The following PTPRZ1 variants were observed in gnomAD, a reference collection of about 807,000 sequenced individuals.
PTPRZ1 encodes receptor-type tyrosine-protein phosphatase zeta.
Under a neutral mutation model 214.1 loss-of-function variants are expected in PTPRZ1, and 82 were observed. The observed-to-expected ratio is 0.38, with a 90% CI of 0.32 to 0.46. PTPRZ1 has a LOEUF of 0.46. Among genes scored for constraint, PTPRZ1 ranks in the 20% least tolerant of loss-of-function variants. The probability of loss-of-function intolerance (pLI) is 1.00; values close to 1 mark genes in which losing one functional copy is unlikely to be tolerated. For missense variants in PTPRZ1, 2,603 were observed against 2,748.7 expected (o/e 0.95, Z 1.19); for synonymous variants, 945 against 987.9 (o/e 0.96, Z 0.81).
intron 1 of PTPRZ1, among the ~76,000 whole-genome samples, chr7:121,917,438 A>G (rs1284740331): frequency 6.6e-6 from 1 of 152,202 alleles, no homozygotes; most frequent in Non-Finnish European, 1.5e-5. Flanking sequence ...ATCAGATAGC[A>G]TCAGAAAACA....
chr7:121,907,727 C>A, intron 1 of PTPRZ1, among the ~76,000 whole-genome samples: 1 of 151,048 alleles, frequency 6.6e-6, no homozygotes, highest in East Asian at 1.9e-4. Context: ...TCTACATTAG[C>A]TTTTCCATGT....
At chr7:121,933,593 C>T (rs945405040) in intron 2 of PTPRZ1, among the ~76,000 whole-genome samples, 24 of 151,968 alleles carry the variant, frequency 1.6e-4, no homozygotes, top group Non-Finnish European at 3.2e-4. Flanking sequence ...CTTTAAATAT[C>T]GAATTGATTC....
At chr7:122,014,567 T>G (rs1798789893) in intron 12 of PTPRZ1, among the ~76,000 whole-genome samples, 1 of 152,028 alleles carries the variant, frequency 6.6e-6, no homozygotes, top group Non-Finnish European at 1.5e-5. Context: ...GCCTCCCGAG[T>G]AGCTGAGACT....
In PTPRZ1 at chr7:121,967,939, T is replaced by G; in HGVS notation, c.125-12T>G. The G allele has an allele frequency of 6.5e-7, 1 of 1,528,206 alleles. No homozygotes were observed. The highest frequency in any genetic ancestry group is 1.2e-5 in the South Asian group (1 of 82,132). The allele number at this position is 1,528,206 out of a possible 1,614,324, so 94.7% of individuals were successfully genotyped here. ...TTAAGAAACTAAATTTCTTACTCCT[T>G]CTTTTCCCTAGGAGCACTGAATCAA... On this transcript the variant is annotated splice_polypyrimidine_tract_variant and intron_variant, in intron 2 of 29. Transcript: ENST00000393386.
intron 1 of PTPRZ1, among the ~76,000 whole-genome samples, chr7:121,890,101 C>A (rs948312470): frequency 6.6e-6 from 1 of 152,152 alleles, no homozygotes; most frequent in African/African-American, 2.4e-5. Context: ...TCCCTGTATT[C>A]TCTACATTGA....
chr7:121,961,134 C>T lies in PTPRZ1; in HGVS notation c.125-6817C>T, dbSNP rs146694433. On this transcript the variant is annotated intron_variant, in intron 2 of 29. Transcript: ENST00000393386. ...GAGATGTCTATGAAAATGGTCATTA[C>T]GCAGCCTCTCCCTTCCTGCCTATCC... Among the ~76,000 whole-genome samples, 258 of 152,252 alleles carry T rather than the reference C, an allele frequency of 1.7e-3. 1 individual carries two copies. The highest frequency in any genetic ancestry group is 5.1e-3 in the African/African-American group (212 of 41,538).
At chr7:121,892,679 C>CATAT (rs58030102) in intron 1 of PTPRZ1, among the ~76,000 whole-genome samples, 2,746 of 97,276 alleles carry the variant, frequency 0.028, 157 homozygotes, top group Non-Finnish European at 0.038. Flanking sequence ...TCAAGCATCT[C>CATAT]ATATATATAT....
Position 121,998,083 on chromosome 7 carries a change from C to A in PTPRZ1, c.1240+77C>A, listed in dbSNP as rs1798201880. 4 of 1,461,954 alleles carry A rather than the reference C, an allele frequency of 2.7e-6. No homozygotes were observed. In the East Asian group the frequency reaches 9.8e-5, roughly 36 times the overall value. The allele number at this position is 1,461,954 out of a possible 1,614,324, so 90.6% of individuals were successfully genotyped here. ...TAATTACTGTATGCATTGATGCTTTCTCTCTATATTCTTTTGGCCAAAAGG... is the reference window on the plus strand; with the variant it reads ...TAATTACTGTATGCATTGATGCTTTATCTCTATATTCTTTTGGCCAAAAGG... On this transcript the variant is annotated intron_variant, in intron 10 of 29. Transcript: ENST00000393386.
At chr7:122,040,216 A>G (rs1230431893) in intron 20 of PTPRZ1, among the ~76,000 whole-genome samples, 1 of 152,200 alleles carries the variant, frequency 6.6e-6, no homozygotes, top group Non-Finnish European at 1.5e-5. Context: ...TGAAACAAGA[A>G]AAAGAAAGGA....
At chr7:121,876,550 G>T (rs895146333) in intron 1 of PTPRZ1, among the ~76,000 whole-genome samples, 1 of 95,500 alleles carries the variant, frequency 1.0e-5, no homozygotes, top group African/African-American at 6.8e-5. Context: ...TGGTTATAGA[G>T]TCTGAAATTC....
chr7:121,924,257 A>G (rs1795686989), intron 1 of PTPRZ1, among the ~76,000 whole-genome samples: 1 of 152,174 alleles, frequency 6.6e-6, no homozygotes. Context: ...AAAATGCGTA[A>G]GCACTTTGAT....
chr7:122,054,486 C>T (rs1006922334), intron 26 of PTPRZ1, among the ~76,000 whole-genome samples: 2 of 151,942 alleles, frequency 1.3e-5, no homozygotes, highest in East Asian at 1.9e-4. Context: ...AGAAAAGCAG[C>T]GATATCCCAT....
At chr7:122,042,879 T>C (rs1167581499) in intron 22 of PTPRZ1, 136 bp downstream of exon 22, 2 of 927,142 alleles carry the variant, frequency 2.2e-6, no homozygotes, top group East Asian at 5.2e-5. Context: ...GTTTATTGTC[T>C]CATAGTTCTG....
In PTPRZ1 at chr7:121,983,725, A is replaced by C. The variant is rs192939417; in HGVS notation, c.680A>C (p.Lys227Thr). The C allele has an allele frequency of 5.6e-6, 9 of 1,613,798 alleles. No individual in the cohort carries two copies. Among genetic ancestry groups the C allele is most frequent in the Non-Finnish European group, 7.6e-6 (9 of 1,179,890 alleles). Residue 227 changes from lysine to threonine, a missense_variant, in exon 7 of 30, where the codon AAG becomes ACG. Physicochemically the swap from Lys to Thr is moderately conservative, Grantham distance 78. Around this residue, in one of 6 missense-constraint regions of PTPRZ1, gnomAD observed 244 missense variants for 333.2 expected, o/e 0.73. Transcript: ENST00000393386. ...AACCTTCTGCCAAACTCAACTGACAAGTATTACATTTACAATGGCTCATTG... is the reference window on the plus strand; with the variant it reads ...AACCTTCTGCCAAACTCAACTGACACGTATTACATTTACAATGGCTCATTG... Reference protein sequence around the residue: ...LLNLLPNSTDKYYIYNGSLTS... With the variant: ...LLNLLPNSTDTYYIYNGSLTS...
rs1279963397 is a variant in PTPRZ1 at position 122,013,054 on chromosome 7, T to C, written c.4008T>C (p.Ile1336=). The change falls in exon 12 of 30, where the codon ATT becomes ATC. Residue 1336 remains isoleucine (I), a synonymous_variant. Transcript: ENST00000393386. ...LINKLIHSDE[I]LTSTKSSVTG... Reference sequence around the variant, plus strand: ...ATAAGCTTATACATTCCGATGAAATTTTAACCTCCACCAAAAGTTCTGTTA... The same window carrying C: ...ATAAGCTTATACATTCCGATGAAATCTTAACCTCCACCAAAAGTTCTGTTA... The C allele has an allele frequency of 4.3e-6, 7 of 1,613,856 alleles. No individual in the cohort carries two copies. The highest frequency in any genetic ancestry group is 5.9e-6 in the Non-Finnish European group (7 of 1,179,712).
In PTPRZ1 at chr7:121,983,783, G is replaced by C. The variant is rs1456698614; in HGVS notation, c.738G>C (p.Trp246Cys). 2 of 1,613,176 alleles carry C rather than the reference G, an allele frequency of 1.2e-6. No homozygotes were observed. Among genetic ancestry groups the C allele is most frequent in the Non-Finnish European group, 1.7e-6 (2 of 1,179,870 alleles). The change falls in exon 7 of 30, where the codon TGG becomes TGC. Residue 246 changes from tryptophan to cysteine, a missense_variant. Trp to Cys is a radical substitution (Grantham distance 215, BLOSUM62 -2). Coordinates refer to ENST00000393386, the MANE Select transcript of PTPRZ1 (RefSeq NM_002851.3). ...TSPPCTDTVD[W>C]IVFKDTVSIS... ...CTCCCTGCACAGACACAGTTGACTG[G>C]ATTGTTTTTAAAGATACAGTTAGCA... is the stretch of plus-strand genomic sequence containing the variant.
At chr7:122,030,911 C>A (rs180791772) in intron 14 of PTPRZ1, among the ~76,000 whole-genome samples, 3 of 152,024 alleles carry the variant, frequency 2.0e-5, no homozygotes, top group Non-Finnish European at 4.4e-5. Flanking sequence ...GATTAAAAGT[C>A]CCAAAGGCTT....
intron 3 of PTPRZ1, 52 bp from the exon 4 acceptor site, chr7:121,972,489 T>C: frequency 6.8e-7 from 1 of 1,474,216 alleles, no homozygotes; most frequent in Non-Finnish European, 9.1e-7. Context: ...TTAGTTGAAA[T>C]TTAAAATTTT....
At chr7:121,913,774 A>G (rs898440731) in intron 1 of PTPRZ1, among the ~76,000 whole-genome samples, 1 of 152,088 alleles carries the variant, frequency 6.6e-6, no homozygotes, top group Non-Finnish European at 1.5e-5. Context: ...AGTAAAATAG[A>G]ATAAGATTGA....
Sources: gnomAD v4.1 joint callset for allele counts (sites outside exome capture counted in the v4.1 genomes callset) on GRCh38, gnomAD v4.1.1 for gene constraint, gnomAD v4.1.1 regional missense constraint, MANE v1.5 for transcripts, NCBI Gene and HGNC (gene_info 2026-07-23, HGNC 2026-07-21) for gene names.